SMC6: variants seen among roughly 807,000 people sequenced by gnomAD.
The protein encoded by SMC6 is structural maintenance of chromosomes protein 6.
In SMC6, 79 loss-of-function variants were observed where a neutral mutation model predicts 142.2. The ratio of observed to expected loss-of-function variants is 0.56; its 90% CI spans 0.46 to 0.67. SMC6 has a LOEUF of 0.67. Among genes scored for constraint, SMC6 ranks in the 30% least tolerant of loss-of-function variants. The pLI is 0.00. For synonymous variants in SMC6, 411 were observed against 412.4 expected (o/e 1.00, Z 0.04); for missense variants, 1,072 against 1,284.0 (o/e 0.83, Z 2.52).
intron 25 of SMC6, among the ~76,000 whole-genome samples, chr2:17,671,808 T>C (rs1258763758): frequency 1.3e-5 from 2 of 152,008 alleles, no homozygotes; most frequent in African/African-American, 2.4e-5. Context: ...TTCACACAAT[T>C]TCCTGAGAAT....
rs966381250 is a variant in SMC6 at position 17,717,885 on chromosome 2, C to T, written c.1092+192G>A. ...CTGTAGTCCCAGCTACTCAGGTGGCCGAGGTGGGAGGATAGCGTGTGCCCA... is the reference window on the plus strand; with the variant it reads ...CTGTAGTCCCAGCTACTCAGGTGGCTGAGGTGGGAGGATAGCGTGTGCCCA... On this transcript the variant is annotated intron_variant, in intron 12 of 27. Transcript: ENST00000448223. Among the ~76,000 whole-genome samples, 4 of 151,308 alleles carry T rather than the reference C, an allele frequency of 2.6e-5. No individual in the cohort carries two copies. The South Asian group carries it at 6.3e-4, about 24-fold the overall frequency.
At chr2:17,717,410 G>A (rs897767132) in intron 12 of SMC6, among the ~76,000 whole-genome samples, 13 of 152,138 alleles carry the variant, frequency 8.5e-5, no homozygotes, top group South Asian at 2.1e-4. Flanking sequence ...TGTGGCTCAC[G>A]CCTGTAATCC....
At chr2:17,689,061 G>A (rs570334450) in intron 23 of SMC6, among the ~76,000 whole-genome samples, 207 of 152,124 alleles carry the variant, frequency 1.4e-3, no homozygotes, top group African/African-American at 4.7e-3. Flanking sequence ...TTAGTTGCAA[G>A]GGAAAAAATA....
intron 26 of SMC6, among the ~76,000 whole-genome samples, chr2:17,667,131 CTAAA>C (rs905911712): frequency 3.0e-4 from 45 of 152,306 alleles, no homozygotes; most frequent in African/African-American, 1.1e-3. Flanking sequence ...CCTGACACAA[CTAAA>C]TGTTAGAGAA....
At chr2:17,739,531 G>C (rs1028923136) in intron 4 of SMC6, among the ~76,000 whole-genome samples, 2 of 152,080 alleles carry the variant, frequency 1.3e-5, no homozygotes, top group African/African-American at 4.8e-5. Flanking sequence ...TGTAATCCCA[G>C]CTATTTGGGA....
chr2:17,724,025 C>G (rs1669497977), intron 9 of SMC6, among the ~76,000 whole-genome samples: 1 of 152,116 alleles, frequency 6.6e-6, no homozygotes, highest in South Asian at 2.1e-4. Context: ...TTAATTGTTA[C>G]TGGTATACTT....
intron 5 of SMC6, among the ~76,000 whole-genome samples, chr2:17,737,480 T>A (rs1422700568): frequency 6.6e-6 from 1 of 152,190 alleles, no homozygotes; most frequent in African/African-American, 2.4e-5. Flanking sequence ...TTCAGAGGTA[T>A]CTGGGGCAGT....
intron 24 of SMC6, chr2:17,681,758 C>A (rs1667248494): frequency 6.6e-6 from 1 of 152,074 alleles, no homozygotes; most frequent in Non-Finnish European, 1.5e-5. Context: ...TGACAGATCA[C>A]TACAACAGAT....
At chr2:17,722,495 C>T (rs1572330464) in intron 9 of SMC6, among the ~76,000 whole-genome samples, 1 of 152,092 alleles carries the variant, frequency 6.6e-6, no homozygotes, top group East Asian at 1.9e-4. Context: ...CTTGGCACCA[C>T]CTCCTCCTCT....
At position 17,747,342 on chromosome 2, in the gene SMC6, C is replaced by A. The variant is rs913772829; in HGVS notation, c.-5-1391G>T. Among the ~76,000 whole-genome samples the A allele has an allele frequency of 3.9e-5, 6 of 152,252 alleles. No individual in the cohort carries two copies. In the East Asian group the frequency reaches 7.7e-4, roughly 20 times the overall value. ...AGTTGCTGTGGCTAAGGAAATAGCTCCAAGTTCCAGATCTGAGTCTCTTTG... is the reference window on the plus strand; with the variant it reads ...AGTTGCTGTGGCTAAGGAAATAGCTACAAGTTCCAGATCTGAGTCTCTTTG... On this transcript the variant is annotated intron_variant, in intron 2 of 27. Transcript: ENST00000448223.
At chr2:17,715,123 ATCCTCC>A in intron 15 of SMC6, 58 bp from the exon 16 acceptor site, 1 of 1,489,826 alleles carries the variant, frequency 6.7e-7, no homozygotes, top group African/African-American at 1.4e-5. Context: ...AAATATTAAC[ATCCTCC>A]TCTTTAATTA....
At chr2:17,732,948 T>G (rs909655931) in intron 5 of SMC6, among the ~76,000 whole-genome samples, 2 of 152,160 alleles carry the variant, frequency 1.3e-5, no homozygotes, top group African/African-American at 4.8e-5. Flanking sequence ...CTCCAACTTG[T>G]GTTAAAATAA....
chr2:17,690,154 G>A (rs1057198873), intron 23 of SMC6, among the ~76,000 whole-genome samples: 2 of 152,206 alleles, frequency 1.3e-5, no homozygotes, highest in African/African-American at 4.8e-5. Context: ...ATATGTGAGT[G>A]ACTAGCAGAC....
rs1402070367 is a variant in SMC6 at position 17,731,839 on chromosome 2, T to A, written c.383A>T (p.Asp128Val). ...ATACACACTGGCTTTAAAGGCATCA[T>A]CTCCTCTGTTCCTCAATGTTATTGA... ...DISITLRNRG[D>V]DAFKASVYGN... Residue 128 changes from aspartate to valine, a missense_variant, in exon 6 of 28, where the codon GAT (aspartate) becomes GTT (valine). Asp to Val is a radical substitution (Grantham distance 152). Around this residue, in one of 3 missense-constraint regions of SMC6, gnomAD observed 994 missense variants for 1,153.2 expected, o/e 0.86. Coordinates refer to ENST00000448223, the MANE Select transcript of SMC6 (RefSeq NM_001142286.2). The A allele has an allele frequency of 2.5e-6, 4 of 1,613,686 alleles. No individual in the cohort carries two copies. In the Admixed American group the frequency reaches 6.7e-5, roughly 27 times the overall value.
intron 4 of SMC6, among the ~76,000 whole-genome samples, 181 bp from the exon 5 acceptor site, chr2:17,738,507 G>A (rs1281649337): frequency 6.6e-6 from 1 of 152,040 alleles, no homozygotes; most frequent in Non-Finnish European, 1.5e-5. Flanking sequence ...TATATGTAAG[G>A]AAAAATTGAA....
At chr2:17,716,015 C>A (rs1669067180) in intron 15 of SMC6, 71 bp downstream of exon 15, 8 of 1,131,588 alleles carry the variant, frequency 7.1e-6, no homozygotes, top group Non-Finnish European at 9.5e-6. Flanking sequence ...TCGAAAACTT[C>A]ATTCAATCGT....
At chr2:17,740,589 C>T (rs1167262192) in intron 4 of SMC6, among the ~76,000 whole-genome samples, 1 of 152,184 alleles carries the variant, frequency 6.6e-6, no homozygotes, top group East Asian at 1.9e-4. Context: ...CGCAGTGGCT[C>T]ACACCTGTTA....
At chr2:17,670,342 A>G in intron 26 of SMC6, 81 bp downstream of exon 26, 2 of 1,432,892 alleles carry the variant, frequency 1.4e-6, no homozygotes, top group East Asian at 2.5e-5. Flanking sequence ...GGGTAAAACT[A>G]AAGAAAGATT....
At chr2:17,672,257 G>C (rs1457094241) in intron 25 of SMC6, among the ~76,000 whole-genome samples, 10 of 152,122 alleles carry the variant, frequency 6.6e-5, no homozygotes, top group Admixed American at 6.5e-4. Flanking sequence ...ACATATCATG[G>C]AACTTCAGTG....
Sources: allele counts gnomAD v4.1 joint callset (sites outside exome capture counted in the v4.1 genomes callset), GRCh38; gene constraint gnomAD v4.1.1; regional missense constraint gnomAD v4.1.1; transcripts MANE v1.5; gene names NCBI Gene and HGNC (gene_info 2026-07-23, HGNC 2026-07-21).